DOCK9: variants seen among roughly 807,000 people sequenced by gnomAD.
The protein encoded by DOCK9 is dedicator of cytokinesis protein 9.
In DOCK9, 89 loss-of-function variants were observed where a neutral mutation model predicts 263.3. The ratio of observed to expected loss-of-function variants is 0.34; its 90% CI spans 0.28 to 0.40. The LOEUF is 0.40. DOCK9 is among the 10% of genes least tolerant of loss of function. DOCK9 has a pLI of 1.00. For missense variants in DOCK9, 2,140 were observed against 2,603.4 expected (o/e 0.82, Z 3.87); for synonymous variants, 976 against 973.1 (o/e 1.00, Z -0.06).
chr13:98,904,714 C>A lies in DOCK9; in HGVS notation c.961-8G>T. 6.5e-7 allele frequency: 1 copy of A among 1,547,386 alleles called. No homozygotes were observed. The highest frequency in any genetic ancestry group is 8.7e-7 in the Non-Finnish European group (1 of 1,145,780). On this transcript the variant is annotated splice_region_variant and splice_polypyrimidine_tract_variant and intron_variant, in intron 9 of 52. Transcript: ENST00000682017. ...TTCTGCTTCTCTTGCACTCTGATAA[C>A]AAGATACATGAAAATTACATTTAAC...
intron 1 of DOCK9, among the ~76,000 whole-genome samples, chr13:98,966,840 T>C (rs2059249315): frequency 6.6e-6 from 1 of 152,108 alleles, no homozygotes; most frequent in Admixed American, 6.6e-5. Context: ...CTGCCAGAGG[T>C]GGTGACAGGT....
intron 39 of DOCK9, chr13:98,832,858 C>T (rs775772728): frequency 2.6e-5 from 4 of 152,218 alleles, no homozygotes; most frequent in Admixed American, 1.3e-4. Flanking sequence ...ATTTGGCCAA[C>T]GGAACAGGGG....
intron 1 of DOCK9, among the ~76,000 whole-genome samples, chr13:99,082,239 C>CG (rs1364551711): frequency 6.7e-6 from 1 of 148,350 alleles, no homozygotes; most frequent in Admixed American, 6.8e-5. Flanking sequence ...TAAATAAGGC[C>CG]GGGCGCAGTG....
At chr13:98,809,580 C>T in intron 46 of DOCK9, 115 bp from the exon 47 acceptor site, 1 of 826,530 alleles carries the variant, frequency 1.2e-6, no homozygotes, top group Non-Finnish European at 1.9e-6. Flanking sequence ...AAAATACACA[C>T]ACACACATTT....
chr13:98,837,724 C>G (rs1015868120), intron 38 of DOCK9, 115 bp from the exon 39 acceptor site: 1 of 238,904 alleles, frequency 4.2e-6, no homozygotes, highest in Non-Finnish European at 7.0e-6. Flanking sequence ...GGGACCTTGT[C>G]TCTGTGTTTG....
At position 99,000,259 on chromosome 13, in the gene DOCK9, A is replaced by G. The variant is rs539760454; in HGVS notation, c.130-44708T>C. 3.9e-5 allele frequency among the ~76,000 whole-genome samples: 6 copies of G among 152,288 alleles called. No individual in the cohort carries two copies. The East Asian group carries it at 5.8e-4, about 15-fold the overall frequency. On this transcript the variant is annotated intron_variant, in intron 1 of 32. Transcript: ENST00000427887. ...CCTGATGTGTCCTTCTGAAGATGCAACACTCAGTTCTGAACAGAATGCAGA... is the reference window on the plus strand; with the variant it reads ...CCTGATGTGTCCTTCTGAAGATGCAGCACTCAGTTCTGAACAGAATGCAGA...
chr13:99,040,813 A>AC (rs1423216324), intron 1 of DOCK9, among the ~76,000 whole-genome samples: 1 of 152,126 alleles, frequency 6.6e-6, no homozygotes, highest in Admixed American at 6.6e-5. Context: ...TCCATCCAGG[A>AC]CCCCCCAAAG....
intron 1 of DOCK9, among the ~76,000 whole-genome samples, chr13:99,064,053 A>T (rs1031200549): frequency 1.3e-5 from 2 of 152,108 alleles, no homozygotes; most frequent in African/African-American, 4.8e-5. Flanking sequence ...ACTCTCCTTT[A>T]TCCTCCACCT....
intron 1 of DOCK9, among the ~76,000 whole-genome samples, chr13:98,976,326 A>G (rs868020602): frequency 4.6e-5 from 7 of 152,350 alleles, no homozygotes; most frequent in Middle Eastern, 3.4e-3. Flanking sequence ...ACAAATAGCT[A>G]GGACATAAAT....
intron 38 of DOCK9, 35 bp from the exon 39 acceptor site, chr13:98,837,644 G>A (rs775907180): frequency 6.7e-7 from 1 of 1,490,376 alleles, no homozygotes; most frequent in Non-Finnish European, 9.3e-7. Flanking sequence ...ACTGCCCAGT[G>A]GTTCAGAAGG....
At chr13:98,960,220 A>G (rs1209689086) in intron 1 of DOCK9, among the ~76,000 whole-genome samples, 7 of 152,210 alleles carry the variant, frequency 4.6e-5, no homozygotes, top group Non-Finnish European at 1.0e-4. Flanking sequence ...AAAGAAAACC[A>G]GAATTACCCA....
chr13:98,936,642 G>GA (rs11460524), intron 2 of DOCK9, among the ~76,000 whole-genome samples: 93,028 of 147,294 alleles, frequency 0.63, 30,185 homozygotes, highest in Middle Eastern at 0.77. Flanking sequence ...AAAAAAGAAA[G>GA]AAAGAAAAGA....
chr13:98,956,978 G>T (rs1182596077), intron 1 of DOCK9, among the ~76,000 whole-genome samples: 1 of 152,122 alleles, frequency 6.6e-6, no homozygotes, highest in African/African-American at 2.4e-5. Context: ...TCCAATACAG[G>T]TGGACCACAT....
At chr13:98,956,271 C>T (rs1196562139) in intron 1 of DOCK9, among the ~76,000 whole-genome samples, 1 of 152,136 alleles carries the variant, frequency 6.6e-6, no homozygotes, top group Non-Finnish European at 1.5e-5. Flanking sequence ...TAGCTATTTC[C>T]AAAGTTAGCT....
At chr13:98,945,630 T>G (rs1324385788) in intron 2 of DOCK9, among the ~76,000 whole-genome samples, 1 of 152,206 alleles carries the variant, frequency 6.6e-6, no homozygotes, top group African/African-American at 2.4e-5. Context: ...TCCTCTGCTT[T>G]CTCTTCTCTA....
intron 45 of DOCK9, among the ~76,000 whole-genome samples, chr13:98,822,427 T>C (rs10492576): frequency 0.035 from 5,290 of 152,298 alleles, 297 homozygotes; most frequent in African/African-American, 0.12. Flanking sequence ...AATAGTCTAC[T>C]TTCCAATCTT....
intron 1 of DOCK9, among the ~76,000 whole-genome samples, chr13:99,009,864 T>G (rs1046373051): frequency 2.6e-5 from 4 of 152,216 alleles, no homozygotes; most frequent in Non-Finnish European, 5.9e-5. Flanking sequence ...GTTTAGTCCT[T>G]CGGGACTGTT....
chr13:99,060,582 G>A (rs536619718), intron 1 of DOCK9, among the ~76,000 whole-genome samples: 50 of 152,266 alleles, frequency 3.3e-4, no homozygotes, highest in African/African-American at 1.1e-3. Flanking sequence ...TTTAACACCA[G>A]CAATGTATGA....
chr13:98,897,573 T>A lies in DOCK9; in HGVS notation c.1624A>T (p.Asn542Tyr), dbSNP rs761249020. The change falls in exon 15 of 53, where the codon AAT (asparagine) becomes TAT (tyrosine). Residue 542 changes from asparagine (N) to tyrosine (Y), a missense_variant. This residue lies in a region of DOCK9 where 1,521 missense variants were observed against 1,741.7 expected (regional missense o/e 0.87). Transcript: ENST00000682017. ...CTGTAGATGGCAGAAAATCTGGCATTTTTGTCAAGATTTCCAGATGCATCC... is the reference window on the plus strand; with the variant it reads ...CTGTAGATGGCAGAAAATCTGGCATATTTGTCAAGATTTCCAGATGCATCC... The part of the protein sequence containing the change: ...FKDASGNLDK[N>Y]ARFSAIYRQD... 3 of 1,613,988 alleles carry A rather than the reference T, an allele frequency of 1.9e-6. No individual in the cohort carries two copies. Among genetic ancestry groups the A allele is most frequent in the Non-Finnish European group, 1.7e-6 (2 of 1,179,848 alleles).
Sources: allele counts gnomAD v4.1 joint callset (sites outside exome capture counted in the v4.1 genomes callset), GRCh38; gene constraint gnomAD v4.1.1; regional missense constraint gnomAD v4.1.1; transcripts MANE v1.5; gene names NCBI Gene and HGNC (gene_info 2026-07-23, HGNC 2026-07-21).